MAGI2: variants seen among roughly 807,000 people sequenced by gnomAD.
MAGI2 encodes the protein membrane-associated guanylate kinase, WW and PDZ domain-containing protein 2.
MAGI2 carries 35 observed loss-of-function variants against 133.3 expected under a neutral mutation model. That is an observed-to-expected ratio of 0.26 (90% confidence interval 0.20 to 0.35). MAGI2 has a LOEUF of 0.35. Among genes scored for constraint, MAGI2 ranks in the 10% least tolerant of loss-of-function variants. The pLI, the probability that MAGI2 is intolerant of heterozygous loss-of-function variation, is 1.00. For missense variants in MAGI2, 1,636 were observed against 1,863.4 expected (o/e 0.88, Z 2.25); for synonymous variants, 729 against 710.6 (o/e 1.03, Z -0.41).
intron 1 of MAGI2, among the ~76,000 whole-genome samples, chr7:79,426,252 A>G (rs544951591): frequency 1.5e-4 from 23 of 152,176 alleles, no homozygotes; most frequent in Non-Finnish European, 2.5e-4. Context: ...AGATGAATGC[A>G]TAGATCATTA....
At chr7:79,202,758 A>C (rs1249342009) in intron 1 of MAGI2, among the ~76,000 whole-genome samples, 1 of 151,946 alleles carries the variant, frequency 6.6e-6, no homozygotes, top group Non-Finnish European at 1.5e-5. Flanking sequence ...TCTTATTCTC[A>C]TTCCTGTTGT....
chr7:79,136,953 T>G (rs972217526), intron 1 of MAGI2, among the ~76,000 whole-genome samples: 1 of 152,074 alleles, frequency 6.6e-6, no homozygotes, highest in East Asian at 1.9e-4. Flanking sequence ...GGTCCACCAG[T>G]AGGAAAATCT....
chr7:79,434,310 C>A (rs1847991463), intron 1 of MAGI2, among the ~76,000 whole-genome samples: 1 of 152,096 alleles, frequency 6.6e-6, no homozygotes. Context: ...AGAGCTCATA[C>A]TCTTTTGAAT....
At chr7:78,382,338 T>C (rs1031736881) in intron 6 of MAGI2, among the ~76,000 whole-genome samples, 7 of 136,066 alleles carry the variant, frequency 5.1e-5, no homozygotes, top group African/African-American at 1.3e-4. Context: ...TTAATACTCA[T>C]GCTCTCTTAT....
chr7:78,788,743 T>G (rs931583190), intron 2 of MAGI2, among the ~76,000 whole-genome samples: 1 of 152,242 alleles, frequency 6.6e-6, no homozygotes, highest in East Asian at 1.9e-4. Context: ...TACCTCCCAC[T>G]AATAACTCCG....
intron 2 of MAGI2, among the ~76,000 whole-genome samples, chr7:78,630,613 C>CT (rs1226084754): frequency 1.9e-4 from 29 of 151,804 alleles, no homozygotes; most frequent in Non-Finnish European, 1.6e-4. Context: ...GACTGGGTTT[C>CT]ACTGTGTTGG....
chr7:78,470,238 T>C (rs1017078858), intron 6 of MAGI2, among the ~76,000 whole-genome samples: 2 of 152,296 alleles, frequency 1.3e-5, no homozygotes, highest in Middle Eastern at 3.4e-3. Context: ...ACTATCTTTG[T>C]AAGTAATATG....
intron 1 of MAGI2, among the ~76,000 whole-genome samples, chr7:79,366,009 A>T (rs1441482445): frequency 6.6e-6 from 1 of 151,138 alleles, no homozygotes; most frequent in Non-Finnish European, 1.5e-5. Flanking sequence ...TGGGAAGCCG[A>T]CACAGGAGGA....
chr7:79,393,859 T>C (rs1269713706), intron 1 of MAGI2, among the ~76,000 whole-genome samples: 2 of 152,190 alleles, frequency 1.3e-5, no homozygotes, highest in Admixed American at 6.5e-5. Flanking sequence ...ATGACCCAGA[T>C]GTCCAAAATA....
chr7:78,329,863 A>G (rs113935764), intron 9 of MAGI2, among the ~76,000 whole-genome samples: 4 of 152,320 alleles, frequency 2.6e-5, no homozygotes, highest in African/African-American at 9.6e-5. Context: ...AAATGTCCCT[A>G]TTTCAGCTGC....
At chr7:78,592,340 A>ATT (rs200747288) in intron 3 of MAGI2, among the ~76,000 whole-genome samples, 38,726 of 147,236 alleles carry the variant, frequency 0.26, 5,393 homozygotes, top group Middle Eastern at 0.42. Context: ...ATAGTAGACT[A>ATT]TTTTTTTTTT....
intron 1 of MAGI2, among the ~76,000 whole-genome samples, chr7:79,450,727 C>G (rs887155947): frequency 6.6e-6 from 1 of 152,154 alleles, no homozygotes; most frequent in East Asian, 1.9e-4. Context: ...CAAATTATGG[C>G]AAGATTCAAA....
intron 1 of MAGI2, among the ~76,000 whole-genome samples, chr7:79,128,181 C>G (rs1820600527): frequency 1.3e-5 from 2 of 151,892 alleles, no homozygotes; most frequent in Admixed American, 6.6e-5. Flanking sequence ...TAACCAATCT[C>G]TCTCCTTTTT....
chr7:78,902,735 C>T (rs1584338813), intron 2 of MAGI2: 1 of 152,120 alleles, frequency 6.6e-6, no homozygotes, highest in South Asian at 2.1e-4. Context: ...TAATCAATGA[C>T]GCTTAATATC....
chr7:78,952,362 C>A (rs1801938991), intron 2 of MAGI2, among the ~76,000 whole-genome samples: 1 of 152,086 alleles, frequency 6.6e-6, no homozygotes, highest in African/African-American at 2.4e-5. Context: ...TCTTGGTGAG[C>A]ACTGCTTTTT....
At chr7:79,414,213 G>A (rs903615092) in intron 1 of MAGI2, 1 of 152,130 alleles carries the variant, frequency 6.6e-6, no homozygotes, top group African/African-American at 2.4e-5. Flanking sequence ...TGAATAAATT[G>A]TAGGCATTCA....
chr7:78,058,629 G>A (rs1331369555), intron 21 of MAGI2, among the ~76,000 whole-genome samples: 3 of 151,802 alleles, frequency 2.0e-5, no homozygotes, highest in Non-Finnish European at 2.9e-5. Flanking sequence ...CTGCCACCAC[G>A]CCCAGCTAAT....
At chr7:78,922,504 C>T (rs960976639) in intron 2 of MAGI2, among the ~76,000 whole-genome samples, 2 of 151,704 alleles carry the variant, frequency 1.3e-5, no homozygotes, top group Admixed American at 6.6e-5. Context: ...CATCCATGTC[C>T]CTACAAAGGA....
In MAGI2 at chr7:78,810,796, C is replaced by T. The variant is rs183508689; in HGVS notation, c.419-183557G>A. 3.0e-3 allele frequency among the ~76,000 whole-genome samples: 457 copies of T among 152,040 alleles called. 1 individual carries two copies. The highest frequency in any genetic ancestry group is 0.01 in the African/African-American group (432 of 41,518). On this transcript the variant is annotated intron_variant, in intron 2 of 21. Coordinates refer to ENST00000354212, the MANE Select transcript of MAGI2 (RefSeq NM_012301.4). ...TGTCTGTTTCTTTCTATGAACTAAA[C>T]TCATAGTAATGTCATGTAAAAATAA...
Sources: allele counts gnomAD v4.1 joint callset (sites outside exome capture counted in the v4.1 genomes callset), GRCh38; gene constraint gnomAD v4.1.1; transcripts MANE v1.5; gene names NCBI Gene and HGNC (gene_info 2026-07-23, HGNC 2026-07-21).